Variants in CD44 observed in about 807,000 individuals in gnomAD.
The protein encoded by CD44 is CD44 antigen.
A neutral mutation model predicts 88.8 loss-of-function variants in CD44; 49 were observed. The observed-to-expected ratio is 0.55, with a 90% confidence interval of 0.44 to 0.70. The LOEUF is 0.70. Among genes scored for constraint, CD44 ranks in the 30% least tolerant of loss-of-function variants. The pLI is 0.00. For missense variants in CD44, 883 were observed against 913.8 expected, an observed-to-expected ratio of 0.97 and a Z score of 0.43; for synonymous variants, 325 against 312.3, an observed-to-expected ratio of 1.04 and a Z score of -0.43.
intron 15 of CD44, among the ~76,000 whole-genome samples, chr11:35,215,146 G>A (rs1591306969): frequency 1.3e-5 from 2 of 152,166 alleles, no homozygotes; most frequent in Admixed American, 1.3e-4. Flanking sequence ...TCAGTTCCCT[G>A]GTAATACTGA....
At chr11:35,207,135 G>A (rs1185483301) in intron 11 of CD44, among the ~76,000 whole-genome samples, 1 of 152,232 alleles carries the variant, frequency 6.6e-6, no homozygotes, top group Non-Finnish European at 1.5e-5. Flanking sequence ...ATTCAGGTTA[G>A]CACTTGCTCT....
intron 7 of CD44, among the ~76,000 whole-genome samples, chr11:35,199,983 A>G (rs1947161295): frequency 1.1e-5 from 1 of 91,916 alleles, no homozygotes; most frequent in Admixed American, 1.3e-4. Flanking sequence ...TCTCTATGGC[A>G]TATTTTTCCA....
At chr11:35,187,956 C>T (rs929626072) in intron 4 of CD44, among the ~76,000 whole-genome samples, 3 of 152,196 alleles carry the variant, frequency 2.0e-5, no homozygotes, top group African/African-American at 7.2e-5. Context: ...CCTCCTTCCT[C>T]AGCCTCCCAA....
intron 1 of CD44, among the ~76,000 whole-genome samples, chr11:35,161,496 G>T (rs1942606709): frequency 6.6e-6 from 1 of 152,184 alleles, no homozygotes; most frequent in African/African-American, 2.4e-5. Flanking sequence ...AGATGTCAGG[G>T]GGTCAGGAGA....
At chr11:35,201,017 C>A (rs1205531711) in intron 7 of CD44, 65 bp from the exon 8 acceptor site, 1 of 1,108,904 alleles carries the variant, frequency 9.0e-7, no homozygotes, top group Non-Finnish European at 1.4e-6. Flanking sequence ...AGACTATGTG[C>A]GGGACAAGTG....
chr11:35,169,780 G>A (rs549952872), intron 1 of CD44, among the ~76,000 whole-genome samples: 24 of 152,290 alleles, frequency 1.6e-4, no homozygotes, highest in African/African-American at 5.8e-4. Context: ...GAGGCTTAGG[G>A]GGCAGTATAG....
At chr11:35,200,465 T>C (rs897242926) in intron 7 of CD44, 1 of 152,374 alleles carries the variant, frequency 6.6e-6, no homozygotes, top group African/African-American at 2.4e-5. Flanking sequence ...ATGACATATT[T>C]TGTATTTGAT....
intron 2 of CD44, among the ~76,000 whole-genome samples, chr11:35,178,452 A>G (rs1235474505): frequency 1.3e-5 from 2 of 152,192 alleles, no homozygotes; most frequent in Admixed American, 6.5e-5. Context: ...CAGCCTGCCT[A>G]TGGAGGAGTT....
intron 2 of CD44, among the ~76,000 whole-genome samples, chr11:35,179,756 A>G (rs2133706631): frequency 6.6e-6 from 1 of 152,224 alleles, no homozygotes; most frequent in East Asian, 1.9e-4. Flanking sequence ...GAGTAAGGGG[A>G]CTCACAGGAA....
Position 35,208,186 on chromosome 11 carries a change from G to A in CD44, c.1496G>A (p.Gly499Glu). 2 of 1,611,942 alleles carry A rather than the reference G, an allele frequency of 1.2e-6. No homozygotes were observed. The highest frequency in any genetic ancestry group is 1.7e-6 in the Non-Finnish European group (2 of 1,178,094). ...TTGGTGGAAGATTTGGACAGGACAG[G>A]ACCTCTTTCAATGACAACGCGTAAG... is the stretch of plus-strand genomic sequence containing the variant. ...TGLVEDLDRT[G>E]PLSMTTQQSN... is the part of the protein sequence containing the mutation. The change falls in exon 12 of 18, where the codon GGA becomes GAA. Residue 499 changes from glycine to glutamate, a missense_variant. Around this residue, in one of 2 missense-constraint regions of CD44, gnomAD observed 631 missense variants for 590.9 expected, o/e 1.07. Transcript: ENST00000428726.
rs1189566209 is a variant in CD44 at position 35,230,432 on chromosome 11, A to T, written c.*1099A>T. ...CCTATTAGTGATTTCCAAAAACAAT[A>T]TGGAAGTGCCTTTTGATGTCTTACA... is the stretch of plus-strand genomic sequence containing the variant. On this transcript the variant is annotated 3_prime_UTR_variant, in exon 18 of 18. Transcript: ENST00000428726. 6.6e-6 allele frequency: 1 copy of T among 152,216 alleles called. No homozygotes were observed. The highest frequency in any genetic ancestry group is 1.5e-5 in the Non-Finnish European group (1 of 68,034). The allele number at this position is 152,216 out of a possible 1,614,324, so 9.4% of individuals were successfully genotyped here. A position where few individuals can be genotyped will look rare whatever the true frequency, so the allele number is the denominator to read the frequency against.
rs112352196 is a variant in CD44, at chr11:35,197,598, T to G, written c.797-523T>G. ...ACTGCAGTGTAGCTTCCATCTCTGT[T>G]TGGAGGTACACTGATCTGATCTGAT... On this transcript the variant is annotated intron_variant, in intron 6 of 17. Transcript: ENST00000428726. 534 of 152,886 alleles carry G rather than the reference T, an allele frequency of 3.5e-3. 4 individuals carry two copies. The highest frequency in any genetic ancestry group is 3.4e-3 in the Non-Finnish European group (234 of 68,522). The allele number at this position is 152,886 out of a possible 1,614,324, so 9.5% of individuals were successfully genotyped here.
intron 12 of CD44, among the ~76,000 whole-genome samples, chr11:35,208,840 C>A (rs1948136605): frequency 6.6e-6 from 1 of 152,122 alleles, no homozygotes; most frequent in Non-Finnish European, 1.5e-5. Context: ...TTCATAATTT[C>A]TTTGAGGAAT....
At chr11:35,169,684 C>CTA (rs1943665293) in intron 1 of CD44, among the ~76,000 whole-genome samples, 1 of 152,200 alleles carries the variant, frequency 6.6e-6, no homozygotes, top group Non-Finnish European at 1.5e-5. Flanking sequence ...GACCAAGAAG[C>CTA]TATTATTCCT....
chr11:35,146,153 T>C (rs141876981), intron 1 of CD44, among the ~76,000 whole-genome samples: 1 of 152,126 alleles, frequency 6.6e-6, no homozygotes, highest in African/African-American at 2.4e-5. Flanking sequence ...CTGAGGTAAG[T>C]GTCCCTGCGA....
chr11:35,204,627 A>C lies in CD44; in HGVS notation c.1269A>C (p.Thr423=), dbSNP rs774306289. 2 of 1,613,116 alleles carry C rather than the reference A, an allele frequency of 1.2e-6. No individual in the cohort carries two copies. The highest frequency in any genetic ancestry group is 1.3e-5 in the African/African-American group (1 of 74,878). Residue 423 remains threonine (T), a synonymous_variant, in exon 10 of 18, where the codon ACA becomes ACC. Coordinates refer to ENST00000428726, the MANE Select transcript of CD44 (RefSeq NM_000610.4). ...RQTPKEDSHS[T]TGTAAASAHT... ...CACCCAAAGAAGACTCCCATTCGAC[A>C]ACAGGGACAGCTGGTAATGGATGGT...
intron 1 of CD44, among the ~76,000 whole-genome samples, chr11:35,152,711 TCCTCCAAGCTGCCATTC>T (rs1412113196): frequency 6.6e-6 from 1 of 152,132 alleles, no homozygotes; most frequent in Non-Finnish European, 1.5e-5. Context: ...CTCAGCAGTC[TCCTCCAAGCTGCCATTC>T]CCTCCTTATC....
chr11:35,143,023 G>A (rs1590855853), intron 1 of CD44, among the ~76,000 whole-genome samples: 1 of 152,128 alleles, frequency 6.6e-6, no homozygotes, highest in Non-Finnish European at 1.5e-5. Context: ...ACCCCCTGCA[G>A]TGGGTGGGGA....
At position 35,190,054 on chromosome 11, in the gene CD44, T is replaced by A; in HGVS notation, c.656T>A (p.Ile219Asn). 6.2e-7 allele frequency: 1 copy of A among 1,613,414 alleles called. No individual in the cohort carries two copies. The highest frequency in any genetic ancestry group is 8.5e-7 in the Non-Finnish European group (1 of 1,179,298). Reference sequence around the variant, plus strand: ...TGGATCACCGACAGCACAGACAGAATCCCTGCTACCAGTAAGGAGAATAAA... The same window carrying A: ...TGGATCACCGACAGCACAGACAGAAACCCTGCTACCAGTAAGGAGAATAAA... The part of the protein sequence containing the change: ...SPWITDSTDR[I>N]PATTLMSTSA... Residue 219 changes from isoleucine to asparagine, a missense_variant, in exon 5 of 18, where the codon ATC (isoleucine) becomes AAC (asparagine). This residue lies in a region of CD44 where 252 missense variants were observed against 322.9 expected (regional missense o/e 0.78). Transcript: ENST00000428726.
Sources: allele counts gnomAD v4.1 joint callset (sites outside exome capture counted in the v4.1 genomes callset), GRCh38; gene constraint gnomAD v4.1.1; regional missense constraint gnomAD v4.1.1; transcripts MANE v1.5; gene names NCBI Gene and HGNC (gene_info 2026-07-23, HGNC 2026-07-21).